The following PRKN variants were observed in gnomAD, a reference collection of about 807,000 sequenced individuals.
PRKN encodes the protein E3 ubiquitin-protein ligase parkin.
In PRKN, 56 loss-of-function variants were observed where a neutral mutation model predicts 59.5. The observed-to-expected ratio is 0.94, with a 90% confidence interval of 0.76 to 1.18. The LOEUF is 1.18. Among genes scored for constraint, PRKN ranks in the 50% most tolerant of loss-of-function variants. The probability of loss-of-function intolerance (pLI) is 0.00; values close to 1 mark genes in which losing one functional copy is unlikely to be tolerated. For synonymous variants in PRKN, 250 were observed against 222.1 expected, an observed-to-expected ratio of 1.13 and a Z score of -1.12; for missense variants, 657 against 596.4, an observed-to-expected ratio of 1.10 and a Z score of -1.06.
At chr6:161,719,517 C>CAG (rs1787131261) in intron 7 of PRKN, among the ~76,000 whole-genome samples, 2 of 152,164 alleles carry the variant, frequency 1.3e-5, no homozygotes, top group Non-Finnish European at 2.9e-5. Flanking sequence ...CTAGGGCTAT[C>CAG]ATGTGTGATT....
intron 2 of PRKN, chr6:162,263,137 T>C: frequency 3.2e-6 from 1 of 312,236 alleles, no homozygotes; most frequent in South Asian, 2.9e-5. Flanking sequence ...TGGAGTGCAG[T>C]GGTGTGATTT....
intron 7 of PRKN, among the ~76,000 whole-genome samples, chr6:161,679,904 G>A (rs189269820): frequency 6.6e-6 from 1 of 151,806 alleles, no homozygotes. Context: ...ACAGGCGCCT[G>A]CCACCAGCCT....
At chr6:162,026,493 A>C (rs560810004) in intron 5 of PRKN, among the ~76,000 whole-genome samples, 1 of 152,200 alleles carries the variant, frequency 6.6e-6, no homozygotes, top group Admixed American at 6.5e-5. Context: ...TCATGCATTA[A>C]GACACATTCA....
At chr6:162,458,316 C>T (rs1790995913) in intron 1 of PRKN, among the ~76,000 whole-genome samples, 1 of 142,798 alleles carries the variant, frequency 7.0e-6, no homozygotes. Flanking sequence ...ATCCCAGCTA[C>T]TCAGGAGTCT....
intron 4 of PRKN, among the ~76,000 whole-genome samples, chr6:162,103,082 G>A: frequency 6.7e-6 from 1 of 149,706 alleles, no homozygotes; most frequent in African/African-American, 2.5e-5. Context: ...TACATAACTT[G>A]AATGAAAATG....
intron 9 of PRKN, among the ~76,000 whole-genome samples, chr6:161,464,492 G>A (rs560884077): frequency 8.5e-4 from 129 of 152,220 alleles, no homozygotes; most frequent in Non-Finnish European, 1.5e-3. Context: ...ACTTTGATGA[G>A]TTTTGGCAAT....
rs953100172 is a variant in PRKN, at chr6:161,531,819, G to C, written c.1083+17035C>G. 7.9e-5 allele frequency among the ~76,000 whole-genome samples: 12 copies of C among 152,224 alleles called. No homozygotes were observed. The South Asian group carries it at 1.9e-3, about 24-fold the overall frequency. ...TGGATTACCTGCGTCTATTATCCAGGCTTGGGAAATGGAGGTGCTCAGGGA... is the reference window on the plus strand; with the variant it reads ...TGGATTACCTGCGTCTATTATCCAGCCTTGGGAAATGGAGGTGCTCAGGGA... On this transcript the variant is annotated intron_variant, in intron 9 of 11. Coordinates refer to ENST00000366898, the MANE Select transcript of PRKN (RefSeq NM_004562.3).
chr6:162,690,354 G>C (rs1162754734), intron 1 of PRKN, among the ~76,000 whole-genome samples: 1 of 152,208 alleles, frequency 6.6e-6, no homozygotes, highest in African/African-American at 2.4e-5. Context: ...TAATGAGGCT[G>C]CTGTTCAAAC....
Position 161,395,013 on chromosome 6 carries a change from A to G in PRKN, c.1084-8136T>C, listed in dbSNP as rs758532651. Among the ~76,000 whole-genome samples, 6 of 152,184 alleles carry G rather than the reference A, an allele frequency of 3.9e-5. No individual in the cohort carries two copies. Among genetic ancestry groups the G allele is most frequent in the Non-Finnish European group, 8.8e-5 (6 of 68,024 alleles). On this transcript the variant is annotated intron_variant, in intron 9 of 11. Coordinates refer to ENST00000366898, the MANE Select transcript of PRKN (RefSeq NM_004562.3). The surrounding 1 kb of genome is among the most constrained non-coding windows in gnomAD (Gnocchi z 5.0). ...CATTTGCAGAGTCATGGATTTTTAA[A>G]AAGTAGGTATTCTTTGAATGCAAAA...
At chr6:162,634,068 T>C (rs375802674) in intron 1 of PRKN, among the ~76,000 whole-genome samples, 3 of 152,140 alleles carry the variant, frequency 2.0e-5, no homozygotes, top group African/African-American at 7.2e-5. Context: ...ATGCCATTTC[T>C]TTAAAATAGT....
intron 4 of PRKN, among the ~76,000 whole-genome samples, chr6:162,054,530 A>T (rs977204225): frequency 6.4e-4 from 98 of 152,194 alleles, no homozygotes; most frequent in African/African-American, 2.3e-3. Flanking sequence ...CTTCATAATA[A>T]TTATTACTAC....
chr6:161,572,971 A>C (rs1475892344), intron 7 of PRKN, among the ~76,000 whole-genome samples: 7 of 152,208 alleles, frequency 4.6e-5, no homozygotes, highest in Non-Finnish European at 7.3e-5. Context: ...ATTCAGCCTC[A>C]AGTCAGTTCC....
Position 161,757,878 on chromosome 6 carries a change from T to TACACACACAC in PRKN, c.871+27893_871+27894insGTGTGTGTGT, listed in dbSNP as rs1172982499. On this transcript the variant is annotated intron_variant, in intron 7 of 11. Coordinates refer to ENST00000366898, the MANE Select transcript of PRKN (RefSeq NM_004562.3). ...CTCTCTCTCTCTCTCTCTCTGTGTA[T>TACACACACAC]ATATATATACACACACACACACACA... Among the ~76,000 whole-genome samples, 38 of 94,678 alleles carry TACACACACAC rather than the reference T, an allele frequency of 4.0e-4. 1 individual carries two copies. Among genetic ancestry groups the TACACACACAC allele is most frequent in the African/African-American group, 1.8e-3 (37 of 20,152 alleles). 62.1% of individuals were successfully genotyped at this position (94,678 alleles called of 152,430 possible).
chr6:162,140,412 G>T (rs148855324), intron 4 of PRKN, among the ~76,000 whole-genome samples: 1 of 152,214 alleles, frequency 6.6e-6, no homozygotes, highest in Admixed American at 6.5e-5. Context: ...GTGTTTGGCT[G>T]CAGAGGTATG....
intron 1 of PRKN, among the ~76,000 whole-genome samples, chr6:162,509,033 C>T (rs1235921762): frequency 6.6e-6 from 1 of 152,162 alleles, no homozygotes; most frequent in Non-Finnish European, 1.5e-5. Flanking sequence ...TGAGGAAACA[C>T]CACTGACCTC....
chr6:161,769,285 G>A (rs1411939714), intron 7 of PRKN, among the ~76,000 whole-genome samples: 2 of 152,160 alleles, frequency 1.3e-5, no homozygotes, highest in Non-Finnish European at 2.9e-5. Flanking sequence ...CTGGGTACCA[G>A]GTACTGTGCC....
chr6:161,363,613 G>A lies in PRKN; in HGVS notation c.1168-3408C>T, dbSNP rs956462351. On this transcript the variant is annotated intron_variant, in intron 10 of 11. Transcript: ENST00000366898. This position sits in a 1 kb window ranked among gnomAD's most constrained non-coding sequence, Gnocchi z 4.1. Reference sequence around the variant, plus strand: ...TCTGGAAGGAGATAACAAAGAGCATGAGAGAGAAACAGTGTTTGGAGAGAG... The same window carrying A: ...TCTGGAAGGAGATAACAAAGAGCATAAGAGAGAAACAGTGTTTGGAGAGAG... Among the ~76,000 whole-genome samples, 2 of 152,168 alleles carry A rather than the reference G, an allele frequency of 1.3e-5. No individual in the cohort carries two copies. Among genetic ancestry groups the A allele is most frequent in the African/African-American group, 4.8e-5 (2 of 41,436 alleles).
At chr6:162,108,015 T>C (rs1780267480) in intron 4 of PRKN, among the ~76,000 whole-genome samples, 2 of 152,318 alleles carry the variant, frequency 1.3e-5, no homozygotes, top group South Asian at 4.1e-4. Context: ...TTCTTTAATA[T>C]ATTACTTATT....
chr6:161,754,205 T>C (rs1337301963), intron 7 of PRKN, among the ~76,000 whole-genome samples: 2 of 150,920 alleles, frequency 1.3e-5, no homozygotes, highest in Non-Finnish European at 3.0e-5. Flanking sequence ...GGAGGAAGAG[T>C]AGGCGGGTGA....
Sources: allele counts gnomAD v4.1 joint callset (sites outside exome capture counted in the v4.1 genomes callset), GRCh38; gene constraint gnomAD v4.1.1; non-coding constraint Gnocchi (gnomAD v3.1); transcripts MANE v1.5; gene names NCBI Gene and HGNC (gene_info 2026-07-23, HGNC 2026-07-21).